TMTC2: variants seen among roughly 807,000 people sequenced by gnomAD.
TMTC2 encodes the protein transmembrane O-mannosyltransferase targeting cadherins 2, also known as protein O-mannosyl-transferase TMTC2.
Under a neutral mutation model 82.4 loss-of-function variants are expected in TMTC2, and 43 were observed. That is an observed-to-expected ratio of 0.52 (90% CI 0.41 to 0.67). The LOEUF (loss-of-function observed/expected upper bound fraction) is 0.67, where lower values mean the gene tolerates loss of function less well. Among genes scored for constraint, TMTC2 ranks in the 30% least tolerant of loss-of-function variants. The pLI is 0.00. For missense variants in TMTC2, 919 were observed against 1,012.4 expected, an observed-to-expected ratio of 0.91 and a Z score of 1.25; for synonymous variants, 408 against 381.9, an observed-to-expected ratio of 1.07 and a Z score of -0.80.
chr12:82,730,296 C>CACAA (rs1555180090), intron 1 of TMTC2, among the ~76,000 whole-genome samples: 1 of 79,004 alleles, frequency 1.3e-5, no homozygotes, highest in Non-Finnish European at 2.3e-5. Context: ...CTCTGTCTCT[C>CACAA]AAAAAAAAAA....
intron 2 of TMTC2, among the ~76,000 whole-genome samples, chr12:82,885,668 G>C (rs920368228): frequency 6.6e-6 from 1 of 152,140 alleles, no homozygotes; most frequent in South Asian, 2.1e-4. Context: ...ATTGCTCCTG[G>C]CTGGGTATAT....
In TMTC2 at chr12:83,055,838, C is replaced by G. The variant is rs144873270; in HGVS notation, c.2267+4820C>G. ...ATACTTTGCTTTTATGTCTGTCACT[C>G]TGTTACCTCTGAGTGTACATCTGTG... On this transcript the variant is annotated intron_variant, in intron 10 of 11. Transcript: ENST00000321196. 2.5e-3 allele frequency among the ~76,000 whole-genome samples: 376 copies of G among 152,004 alleles called. 2 individuals carry two copies. The highest frequency in any genetic ancestry group is 8.8e-3 in the African/African-American group (364 of 41,500).
At chr12:82,710,500 G>A (rs763727126) in intron 1 of TMTC2, among the ~76,000 whole-genome samples, 7 of 152,202 alleles carry the variant, frequency 4.6e-5, no homozygotes, top group Non-Finnish European at 7.3e-5. Context: ...AGGCAGCCCA[G>A]TAATTCCATC....
chr12:82,859,485 C>G (rs1329999314), intron 2 of TMTC2, among the ~76,000 whole-genome samples: 2 of 152,190 alleles, frequency 1.3e-5, no homozygotes, highest in South Asian at 2.1e-4. Context: ...TTACAGTCCT[C>G]TAAGCATATT....
intron 9 of TMTC2, among the ~76,000 whole-genome samples, chr12:83,046,741 G>A (rs1592714991): frequency 1.3e-5 from 2 of 152,028 alleles, no homozygotes; most frequent in Non-Finnish European, 2.9e-5. Flanking sequence ...TGCTAGCAGC[G>A]ATTCAATGCC....
rs374930431 is a variant in TMTC2, at chr12:83,032,490, G to C, written c.2152+1611G>C. Among the ~76,000 whole-genome samples the C allele has an allele frequency of 4.0e-4, 60 of 151,304 alleles. 1 individual carries two copies. The highest frequency in any genetic ancestry group is 2.3e-3 in the East Asian group (12 of 5,158). On this transcript the variant is annotated intron_variant, in intron 9 of 11. Coordinates refer to ENST00000321196, the MANE Select transcript of TMTC2 (RefSeq NM_152588.3). The stretch of plus-strand genomic sequence containing the variant: ...TTTTTTCCAGTGGTGATAGTAGCGG[G>C]TATTTCTCCCATGAAAAATTTTTGG...
chr12:82,960,836 A>G (rs1877892772), intron 4 of TMTC2, among the ~76,000 whole-genome samples: 1 of 152,016 alleles, frequency 6.6e-6, no homozygotes, highest in African/African-American at 2.4e-5. Flanking sequence ...ATTTAAAAAA[A>G]ATGTATAATG....
chr12:82,933,581 G>T (rs1036659135), intron 4 of TMTC2, among the ~76,000 whole-genome samples: 1 of 152,190 alleles, frequency 6.6e-6, no homozygotes, highest in African/African-American at 2.4e-5. Flanking sequence ...TGAGATAATA[G>T]CATGCATTAA....
intron 1 of TMTC2, among the ~76,000 whole-genome samples, chr12:82,740,076 AATAT>A (rs1875320209): frequency 6.6e-6 from 1 of 152,154 alleles, no homozygotes; most frequent in African/African-American, 2.4e-5. Flanking sequence ...CTATCAATTG[AATAT>A]ATATTCAGAT....
rs150243484 is a variant in TMTC2 at position 82,749,275 on chromosome 12, C to T, written c.83+61606C>T. 2.1e-3 allele frequency among the ~76,000 whole-genome samples: 322 copies of T among 152,184 alleles called. 2 individuals are homozygous for T. Among genetic ancestry groups the T allele is most frequent in the African/African-American group, 7.3e-3 (301 of 41,434 alleles). ...GTTACCCAGAATCACACTGGCTTCT[C>T]CTGAGTATGCTAAACTCTTTTAATT... On this transcript the variant is annotated intron_variant, in intron 1 of 11. Coordinates refer to ENST00000321196, the MANE Select transcript of TMTC2 (RefSeq NM_152588.3).
At chr12:82,769,400 T>C (rs11115392) in intron 1 of TMTC2, among the ~76,000 whole-genome samples, 37,627 of 151,536 alleles carry the variant, frequency 0.25, 5,765 homozygotes, top group African/African-American at 0.43. Flanking sequence ...CGTTTGAGCC[T>C]GGGAGGCAGA....
chr12:83,120,491 C>T (rs1198237599), intron 11 of TMTC2, among the ~76,000 whole-genome samples: 1 of 152,220 alleles, frequency 6.6e-6, no homozygotes, highest in Non-Finnish European at 1.5e-5. Context: ...CCAAGCCCTT[C>T]TAGCTTGTAG....
intron 11 of TMTC2, among the ~76,000 whole-genome samples, chr12:83,113,947 ACTT>A (rs1884676198): frequency 6.6e-6 from 1 of 152,276 alleles, no homozygotes; most frequent in South Asian, 2.1e-4. Context: ...AGTGAAACAT[ACTT>A]CTTCATATTC....
At chr12:83,017,647 T>C (rs1254000386) in intron 8 of TMTC2, among the ~76,000 whole-genome samples, 1 of 152,106 alleles carries the variant, frequency 6.6e-6, no homozygotes, top group African/African-American at 2.4e-5. Flanking sequence ...GCTGATTCCT[T>C]TACCGCATGG....
At chr12:82,923,628 G>A (rs1875520586) in intron 3 of TMTC2, among the ~76,000 whole-genome samples, 1 of 151,796 alleles carries the variant, frequency 6.6e-6, no homozygotes, top group Non-Finnish European at 1.5e-5. Flanking sequence ...AACTTTTTAA[G>A]CTATCTGGGG....
intron 1 of TMTC2, among the ~76,000 whole-genome samples, chr12:82,818,685 C>G (rs1334418666): frequency 6.6e-6 from 1 of 152,116 alleles, no homozygotes; most frequent in African/African-American, 2.4e-5. Context: ...GAATACTCAA[C>G]TATGTTAAAT....
At chr12:82,836,277 G>C (rs1206271195) in intron 1 of TMTC2, among the ~76,000 whole-genome samples, 1 of 152,130 alleles carries the variant, frequency 6.6e-6, no homozygotes, top group Non-Finnish European at 1.5e-5. Flanking sequence ...AGCACCTGTG[G>C]ATGTGCTAAC....
intron 1 of TMTC2, among the ~76,000 whole-genome samples, chr12:82,748,006 C>G (rs1400055479): frequency 6.6e-6 from 1 of 152,144 alleles, no homozygotes; most frequent in South Asian, 2.1e-4. Context: ...ATCTAATTAA[C>G]CGTAGTTTTT....
chr12:82,997,778 G>GA (rs992195953), intron 8 of TMTC2, among the ~76,000 whole-genome samples: 7 of 148,970 alleles, frequency 4.7e-5, no homozygotes, highest in African/African-American at 1.2e-4. Context: ...GATGTCCTTT[G>GA]AAAAAAAAAT....
Sources: allele counts gnomAD v4.1 joint callset (sites outside exome capture counted in the v4.1 genomes callset), GRCh38; gene constraint gnomAD v4.1.1; transcripts MANE v1.5; gene names NCBI Gene and HGNC (gene_info 2026-07-23, HGNC 2026-07-21).